BBS2: variants seen among roughly 807,000 people sequenced by gnomAD.
BBS2 encodes Bardet-Biedl syndrome 2.
A neutral mutation model predicts 83.0 loss-of-function variants in BBS2; 62 were observed. That is an observed-to-expected ratio of 0.75 (90% CI 0.61 to 0.92). BBS2 has a LOEUF of 0.92. Ranked by LOEUF, BBS2 falls within the 40% of genes least tolerant of loss-of-function variation. The pLI, the probability that BBS2 is intolerant of heterozygous loss-of-function variation, is 0.00. For synonymous variants in BBS2, 303 were observed against 326.1 expected, an observed-to-expected ratio of 0.93 and a Z score of 0.76; for missense variants, 784 against 901.0, an observed-to-expected ratio of 0.87 and a Z score of 1.66.
rs1398423399 is a variant in BBS2, at chr16:56,507,038, C to T, written c.613-814G>A. Among the ~76,000 whole-genome samples the T allele has an allele frequency of 3.9e-5, 6 of 152,202 alleles. No homozygotes were observed. The East Asian group carries it at 1.2e-3, about 29-fold the overall frequency. On this transcript the variant is annotated intron_variant, in intron 5 of 16. Transcript: ENST00000245157. ...TTCCTTTACACCTACAGCTTTTCTA[C>T]AAAACCACCCACTTCACTTAACTAT...
Position 56,510,005 on chromosome 16 carries a change from G to A in BBS2, c.564C>T (p.Ile188=). 2 of 1,614,022 alleles carry A rather than the reference G, an allele frequency of 1.2e-6. No individual in the cohort carries two copies. Among genetic ancestry groups the A allele is most frequent in the East Asian group, 2.2e-5 (1 of 44,866 alleles). The part of the protein sequence containing the change: ...ELLVGSEDFD[I]RVFKEDEIVA... ...CAATCTCATCTTCCTTAAAAACTCG[G>A]ATATCAAAATCCTCAGATCCAACAA... The change falls in exon 5 of 17, where the codon ATC becomes ATT. Residue 188 remains isoleucine, a synonymous_variant. Coordinates refer to ENST00000245157, the MANE Select transcript of BBS2 (RefSeq NM_031885.5).
At position 56,484,748 on chromosome 16, in the gene BBS2, G is replaced by T. The variant is rs141170836; in HGVS notation, c.*13C>A. ...ATCTTTGCCAGGAACTTCATGACCT[G>T]TATTTTCCTCACCTAGGAAGAAGCT... On this transcript the variant is annotated 3_prime_UTR_variant, in exon 17 of 17. Transcript: ENST00000245157. 3 of 1,609,058 alleles carry T rather than the reference G, an allele frequency of 1.9e-6. No homozygotes were observed. The South Asian group carries it at 3.3e-5, about 18-fold the overall frequency.
chr16:56,479,291 T>C (rs901730597), intron 17 of BBS2, among the ~76,000 whole-genome samples: 36 of 152,242 alleles, frequency 2.4e-4, no homozygotes, highest in African/African-American at 8.7e-4. Flanking sequence ...CTGGCCAACA[T>C]GGTGAAACCC....
intron 7 of BBS2, among the ~76,000 whole-genome samples, chr16:56,505,444 A>C (rs1964396096): frequency 6.6e-6 from 1 of 152,238 alleles, no homozygotes; most frequent in Admixed American, 6.5e-5. Flanking sequence ...TTCTAAGAAG[A>C]CAATCCTGAC....
rs1964674436 is a variant in BBS2 at position 56,514,462 on chromosome 16, G to A, written c.336C>T (p.Phe112=). 6.2e-7 allele frequency: 1 copy of A among 1,613,852 alleles called. No homozygotes were observed. Among genetic ancestry groups the A allele is most frequent in the East Asian group, 2.2e-5 (1 of 44,886 alleles). Residue 112 remains phenylalanine, a synonymous_variant, in exon 2 of 17, where the codon TTC becomes TTT. Transcript: ENST00000245157. Reference sequence around the variant, plus strand: ...TAAAGGTTATACTTGCCTCTCTGTAGAACAAATCCGAATTATTGTAGACAT... The same window carrying A: ...TAAAGGTTATACTTGCCTCTCTGTAAAACAAATCCGAATTATTGTAGACAT... ...AYDVYNNSDL[F]YREVADGANA... is the part of the protein sequence containing the mutation.
intron 15 of BBS2, among the ~76,000 whole-genome samples, chr16:56,487,783 G>A (rs1403083906): frequency 2.6e-5 from 4 of 152,118 alleles, no homozygotes; most frequent in African/African-American, 9.7e-5. Flanking sequence ...ACAAGCACAA[G>A]TAGCTAGGAA....
chr16:56,486,745 ATTC>A (rs1963788876), intron 15 of BBS2, among the ~76,000 whole-genome samples: 1 of 134,534 alleles, frequency 7.4e-6, no homozygotes, highest in Non-Finnish European at 1.6e-5. Context: ...TGACAGAAAT[ATTC>A]TTTTTTTTTT....
intron 17 of BBS2, chr16:56,475,600 GTTA>G: frequency 6.3e-7 from 1 of 1,590,478 alleles, no homozygotes. Context: ...ATCATTTTTA[GTTA>G]TTGAGAATGC....
At chr16:56,516,289 G>T (rs1424239498) in intron 1 of BBS2, among the ~76,000 whole-genome samples, 1 of 152,190 alleles carries the variant, frequency 6.6e-6, no homozygotes, top group African/African-American at 2.4e-5. Context: ...TCTAGCTGAG[G>T]AGGTGCTGCA....
intron 4 of BBS2, 124 bp downstream of exon 4, chr16:56,510,735 A>C: frequency 1.0e-6 from 1 of 958,358 alleles, no homozygotes; most frequent in Non-Finnish European, 1.7e-6. Context: ...CTGGCTGAGC[A>C]TTTAGGCAAC....
intron 7 of BBS2, 39 bp from the exon 8 acceptor site, chr16:56,502,847 C>T: frequency 6.2e-7 from 1 of 1,612,900 alleles, no homozygotes; most frequent in Non-Finnish European, 8.5e-7. Flanking sequence ...GCTTATGCTA[C>T]ATGTTTAAAA....
rs552939574 is a variant in BBS2, at chr16:56,512,037, A to G, written c.346-753T>C. Among the ~76,000 whole-genome samples, 28 of 152,352 alleles carry G rather than the reference A, an allele frequency of 1.8e-4. 1 individual carries two copies. The South Asian group carries it at 5.8e-3, about 32-fold the overall frequency. On this transcript the variant is annotated intron_variant, in intron 2 of 16. Coordinates refer to ENST00000245157, the MANE Select transcript of BBS2 (RefSeq NM_031885.5). ...AAACTACCAATAAAAAATAGGCAAAAGACTTAAGACACTTCACGGAAGACA... is the reference window on the plus strand; with the variant it reads ...AAACTACCAATAAAAAATAGGCAAAGGACTTAAGACACTTCACGGAAGACA...
chr16:56,495,962 G>T (rs1289202795), intron 15 of BBS2, among the ~76,000 whole-genome samples: 1 of 151,986 alleles, frequency 6.6e-6, no homozygotes, highest in South Asian at 2.1e-4. Flanking sequence ...AACTGTTGAA[G>T]TTGGGTGGGT....
At chr16:56,511,073 A>G in intron 3 of BBS2, 86 bp downstream of exon 3, 1 of 1,581,566 alleles carries the variant, frequency 6.3e-7, no homozygotes, top group South Asian at 1.1e-5. Context: ...TATAAATATT[A>G]TTACTCAGTA....
At chr16:56,487,298 C>T (rs1458356198) in intron 15 of BBS2, among the ~76,000 whole-genome samples, 3 of 151,980 alleles carry the variant, frequency 2.0e-5, no homozygotes, top group African/African-American at 7.3e-5. Context: ...AGGGACCCTA[C>T]AGATAGTTGG....
chr16:56,506,851 C>T (rs1318845188), intron 5 of BBS2, among the ~76,000 whole-genome samples: 2 of 152,044 alleles, frequency 1.3e-5, no homozygotes, highest in East Asian at 3.9e-4. Flanking sequence ...GATTTGACAT[C>T]CTTAAAAGGA....
intron 15 of BBS2, among the ~76,000 whole-genome samples, chr16:56,494,839 G>A (rs1964068290): frequency 6.6e-6 from 1 of 151,986 alleles, no homozygotes; most frequent in Non-Finnish European, 1.5e-5. Context: ...GCGGGCGCCT[G>A]TAGTCCCAGC....
chr16:56,507,504 A>G (rs1045693784), intron 5 of BBS2, among the ~76,000 whole-genome samples: 1 of 152,254 alleles, frequency 6.6e-6, no homozygotes, highest in Non-Finnish European at 1.5e-5. Flanking sequence ...GAAAAGATTT[A>G]CCACAAATTA....
At chr16:56,470,919 A>G (rs1963141083) in intron 17 of BBS2, 1 of 890,820 alleles carries the variant, frequency 1.1e-6, no homozygotes, top group Non-Finnish European at 1.7e-6. Flanking sequence ...TGAAGGACAA[A>G]ACAGACAAGG....
Sources: allele counts gnomAD v4.1 joint callset (sites outside exome capture counted in the v4.1 genomes callset), GRCh38; gene constraint gnomAD v4.1.1; transcripts MANE v1.5; gene names NCBI Gene and HGNC (gene_info 2026-07-23, HGNC 2026-07-21).